ADAMTS17: variants seen among roughly 807,000 people sequenced by gnomAD.
ADAMTS17 encodes ADAM metallopeptidase with thrombospondin type 1 motif 17, also known as A disintegrin and metalloproteinase with thrombospondin motifs 17.
In ADAMTS17, 113 loss-of-function variants were observed where a neutral mutation model predicts 141.5. The ratio of observed to expected loss-of-function variants is 0.80; its 90% CI spans 0.69 to 0.93. The LOEUF is 0.93. Among genes scored for constraint, ADAMTS17 ranks in the 40% least tolerant of loss-of-function variants. The pLI is 0.00. For synonymous variants in ADAMTS17, 768 were observed against 630.6 expected (o/e 1.22, Z -3.27); for missense variants, 1,659 against 1,517.9 (o/e 1.09, Z -1.54).
intron 12 of ADAMTS17, chr15:100,128,851 C>A (rs1035689307): frequency 6.6e-6 from 1 of 152,218 alleles, no homozygotes; most frequent in African/African-American, 2.4e-5. Flanking sequence ...GTGGGCAGGG[C>A]AGGAAGCAGT....
intron 9 of ADAMTS17, 34 bp downstream of exon 9, chr15:100,155,146 T>A: frequency 6.2e-7 from 1 of 1,614,036 alleles, no homozygotes; most frequent in Non-Finnish European, 8.5e-7. Context: ...TACTTTTGAT[T>A]GCATTCATCC....
intron 18 of ADAMTS17, among the ~76,000 whole-genome samples, chr15:100,040,867 TCAA>T (rs1319563979): frequency 6.6e-6 from 1 of 152,128 alleles, no homozygotes; most frequent in Non-Finnish European, 1.5e-5. Context: ...TCACATACCA[TCAA>T]CAAGGCATGT....
intron 20 of ADAMTS17, chr15:99,980,341 CAG>C (rs984086286): frequency 3.9e-5 from 6 of 152,200 alleles, no homozygotes; most frequent in South Asian, 2.1e-4. Context: ...AAACTAAAAA[CAG>C]AGAGATACAC....
chr15:100,103,778 A>G (rs563849373), intron 14 of ADAMTS17, among the ~76,000 whole-genome samples: 2 of 152,166 alleles, frequency 1.3e-5, no homozygotes, highest in Admixed American at 6.5e-5. Flanking sequence ...GTTTCACCAT[A>G]TCGGCCAGGC....
chr15:100,181,960 C>T (rs909888109), intron 8 of ADAMTS17, among the ~76,000 whole-genome samples: 1 of 152,176 alleles, frequency 6.6e-6, no homozygotes, highest in East Asian at 1.9e-4. Flanking sequence ...GCACTTTAGC[C>T]CACGAAGGCG....
chr15:100,131,386 A>G (rs554641053), intron 12 of ADAMTS17, among the ~76,000 whole-genome samples: 1 of 144,910 alleles, frequency 6.9e-6, no homozygotes, highest in Non-Finnish European at 1.5e-5. Context: ...AAAAAAAGAA[A>G]TGGGAAACTT....
chr15:100,019,329 A>G (rs1194874136), intron 18 of ADAMTS17, among the ~76,000 whole-genome samples: 1 of 152,216 alleles, frequency 6.6e-6, no homozygotes, highest in African/African-American at 2.4e-5. Flanking sequence ...AGGGTCAAAA[A>G]GGACTTCCAA....
intron 14 of ADAMTS17, 138 bp downstream of exon 14, chr15:100,108,851 G>T (rs2036567066): frequency 6.9e-7 from 1 of 1,440,690 alleles, no homozygotes. Flanking sequence ...GCGGCAGGAG[G>T]CGGCATCACT....
intron 18 of ADAMTS17, among the ~76,000 whole-genome samples, chr15:100,044,748 AC>A (rs1187650933): frequency 6.6e-6 from 1 of 152,108 alleles, no homozygotes; most frequent in African/African-American, 2.4e-5. Flanking sequence ...TGAATGATAC[AC>A]TAATCAACAG....
chr15:100,066,374 C>T (rs1219886193), intron 15 of ADAMTS17, among the ~76,000 whole-genome samples: 5 of 118,616 alleles, frequency 4.2e-5, no homozygotes, highest in Middle Eastern at 8.2e-3. Flanking sequence ...TATGGATACA[C>T]GTCTTAGATT....
rs373306053 is a variant in ADAMTS17, at chr15:100,210,136, C to T, written c.1076-10713G>A. Among the ~76,000 whole-genome samples the T allele has an allele frequency of 1.5e-4, 22 of 142,528 alleles. 1 individual carries two copies. Among genetic ancestry groups the T allele is most frequent in the Admixed American group, 9.8e-4 (13 of 13,240 alleles). The allele number at this position is 142,528 out of a possible 152,430, so 93.5% of individuals were successfully genotyped here. A position where few individuals can be genotyped will look rare whatever the true frequency, so the allele number is the denominator to read the frequency against. ...GTCCCAGCCACTCAGGAGGCTGAGG[C>T]AGGAGAATGGCGTGAACCTGGGAGG... On this transcript the variant is annotated intron_variant, in intron 7 of 21. Coordinates refer to ENST00000268070, the MANE Select transcript of ADAMTS17 (RefSeq NM_139057.4).
chr15:99,987,371 A>C (rs1180723405), intron 20 of ADAMTS17, among the ~76,000 whole-genome samples: 3 of 152,206 alleles, frequency 2.0e-5, no homozygotes, highest in Non-Finnish European at 4.4e-5. Flanking sequence ...GAAACTGGAC[A>C]ACTGGTTACA....
At chr15:100,281,104 T>C (rs780075428) in intron 4 of ADAMTS17, 125 bp downstream of exon 4, 80 of 1,353,338 alleles carry the variant, frequency 5.9e-5, no homozygotes, top group East Asian at 1.4e-4. Flanking sequence ...TACCAGGCTA[T>C]GTTCCCGTAT....
chr15:99,985,232 C>T lies in ADAMTS17; in HGVS notation c.2949+7816G>A, dbSNP rs113024711. On this transcript the variant is annotated intron_variant, in intron 20 of 21. Transcript: ENST00000268070. ...CCAGAAAAGCACTGAATTTTGGTCA[C>T]TGCCTTTCACGGGCTGCTCACATTC... 5.0e-3 allele frequency among the ~76,000 whole-genome samples: 757 copies of T among 152,364 alleles called. 6 individuals carry two copies. The highest frequency in any genetic ancestry group is 0.017 in the African/African-American group (691 of 41,586).
chr15:100,145,935 G>C (rs2141314884), intron 10 of ADAMTS17, among the ~76,000 whole-genome samples: 1 of 152,366 alleles, frequency 6.6e-6, no homozygotes, highest in South Asian at 2.1e-4. Context: ...CACTTTGGGA[G>C]GCCAAGGCAG....
intron 3 of ADAMTS17, among the ~76,000 whole-genome samples, chr15:100,327,521 C>T (rs1219707324): frequency 6.6e-6 from 1 of 152,178 alleles, no homozygotes; most frequent in Non-Finnish European, 1.5e-5. Flanking sequence ...CCATCTACTT[C>T]TACCACACAC....
At chr15:100,096,658 C>G (rs574861394) in intron 14 of ADAMTS17, among the ~76,000 whole-genome samples, 182 bp from the exon 15 acceptor site, 1 of 152,312 alleles carries the variant, frequency 6.6e-6, no homozygotes, top group South Asian at 2.1e-4. Context: ...AGAATCCAAC[C>G]TAGATTATAT....
intron 15 of ADAMTS17, among the ~76,000 whole-genome samples, chr15:100,068,223 C>T (rs1283757710): frequency 6.6e-6 from 1 of 152,160 alleles, no homozygotes; most frequent in Non-Finnish European, 1.5e-5. Context: ...CCGCCATTGT[C>T]CAGGCTTGAG....
chr15:100,188,915 G>GA lies in ADAMTS17; in HGVS notation c.1181+10402dup, dbSNP rs947298712. On this transcript the variant is annotated intron_variant, in intron 8 of 21. Coordinates refer to ENST00000268070, the MANE Select transcript of ADAMTS17 (RefSeq NM_139057.4). ...AAAACACCCCCGCAGAAACAAGATG[G>GA]AAAAAAAAGTCTTTTGCTTTAACCC... is the stretch of plus-strand genomic sequence containing the variant. 3.3e-5 allele frequency among the ~76,000 whole-genome samples: 5 copies of GA among 151,842 alleles called. No individual in the cohort carries two copies. The East Asian group carries it at 5.8e-4, about 18-fold the overall frequency.
Sources: gnomAD v4.1 joint callset for allele counts (sites outside exome capture counted in the v4.1 genomes callset) on GRCh38, gnomAD v4.1.1 for gene constraint, MANE v1.5 for transcripts, NCBI Gene and HGNC (gene_info 2026-07-23, HGNC 2026-07-21) for gene names.